Variants in KCNH1 observed in about 807,000 individuals in gnomAD.
KCNH1 encodes voltage-gated delayed rectifier potassium channel KCNH1.
Under a neutral mutation model 69.2 loss-of-function variants are expected in KCNH1, and 27 were observed. The ratio of observed to expected loss-of-function variants is 0.39; its 90% CI spans 0.29 to 0.54. The LOEUF is 0.54. Among genes scored for constraint, KCNH1 ranks in the 20% least tolerant of loss-of-function variants. The pLI is 0.68. For missense variants in KCNH1, 798 were observed against 1,261.6 expected, an observed-to-expected ratio of 0.63 and a Z score of 5.57; for synonymous variants, 456 against 487.7, an observed-to-expected ratio of 0.93 and a Z score of 0.86.
chr1:211,100,850 G>C (rs1392107309), intron 3 of KCNH1, among the ~76,000 whole-genome samples: 2 of 152,166 alleles, frequency 1.3e-5, no homozygotes, highest in Non-Finnish European at 2.9e-5. Context: ...GCATCACCTG[G>C]AAGCAGAACC....
At chr1:211,045,387 A>C (rs1423328913) in intron 5 of KCNH1, among the ~76,000 whole-genome samples, 2 of 152,024 alleles carry the variant, frequency 1.3e-5, no homozygotes, top group Non-Finnish European at 2.9e-5. Flanking sequence ...ATGAAACCAA[A>C]CACCACCTGT....
At chr1:211,051,878 CTGGAATGTAGTGGAGCTT>C (rs1690212333) in intron 5 of KCNH1, among the ~76,000 whole-genome samples, 1 of 152,066 alleles carries the variant, frequency 6.6e-6, no homozygotes, top group African/African-American at 2.4e-5. Context: ...AGTCACACAG[CTGGAATGTAGTGGAGCTT>C]TGGAGGAGGA....
chr1:210,797,305 T>C (rs1054914700), intron 9 of KCNH1, among the ~76,000 whole-genome samples: 18 of 152,252 alleles, frequency 1.2e-4, no homozygotes, highest in African/African-American at 4.3e-4. Context: ...ATTTTTCTTA[T>C]TGAAATACTC....
intron 7 of KCNH1, among the ~76,000 whole-genome samples, chr1:210,847,848 T>C (rs913622278): frequency 6.6e-6 from 1 of 152,174 alleles, no homozygotes; most frequent in Non-Finnish European, 1.5e-5. Context: ...TAGCATCTCC[T>C]TCGTGACCAA....
At chr1:210,830,683 T>A (rs975979730) in intron 7 of KCNH1, among the ~76,000 whole-genome samples, 1 of 152,220 alleles carries the variant, frequency 6.6e-6, no homozygotes, top group African/African-American at 2.4e-5. Context: ...TGAAAAATGA[T>A]GAGGTCAATC....
At chr1:210,684,170 G>A (rs370519764) in intron 10 of KCNH1, 32 bp from the exon 11 acceptor site, 21 of 1,486,910 alleles carry the variant, frequency 1.4e-5, no homozygotes, top group Middle Eastern at 2.0e-4. Flanking sequence ...ATGACATGGC[G>A]TGTTAGCCAC....
At position 210,798,847 on chromosome 1, in the gene KCNH1, G is replaced by T. The variant is rs1041745106; in HGVS notation, c.1663-1087C>A. 2.6e-5 allele frequency among the ~76,000 whole-genome samples: 4 copies of T among 152,166 alleles called. No individual in the cohort carries two copies. In the South Asian group the frequency reaches 6.2e-4, roughly 24 times the overall value. ...GACTGAATATAGGGTGTTATTTAAAGACAGATATAAAGTAACATTTACTAA... is the reference window on the plus strand; with the variant it reads ...GACTGAATATAGGGTGTTATTTAAATACAGATATAAAGTAACATTTACTAA... On this transcript the variant is annotated intron_variant, in intron 8 of 10. Coordinates refer to ENST00000271751, the MANE Select transcript of KCNH1 (RefSeq NM_172362.3).
At chr1:210,900,244 A>G (rs1558517455) in intron 7 of KCNH1, among the ~76,000 whole-genome samples, 1 of 152,228 alleles carries the variant, frequency 6.6e-6, no homozygotes, top group Admixed American at 6.5e-5. Context: ...AGCCATCCCC[A>G]TTCACGTACC....
intron 6 of KCNH1, among the ~76,000 whole-genome samples, chr1:210,972,671 GAACAC>G (rs1688531944): frequency 6.6e-6 from 1 of 152,052 alleles, no homozygotes; most frequent in Non-Finnish European, 1.5e-5. Flanking sequence ...TTCAGTGATA[GAACAC>G]AATGAAATCA....
At chr1:210,854,788 A>G (rs1485801449) in intron 7 of KCNH1, among the ~76,000 whole-genome samples, 1 of 152,216 alleles carries the variant, frequency 6.6e-6, no homozygotes, top group Non-Finnish European at 1.5e-5. Context: ...AAAATAAAAG[A>G]GAGCAGGTAA....
intron 9 of KCNH1, among the ~76,000 whole-genome samples, chr1:210,785,796 C>T: frequency 6.6e-6 from 1 of 152,086 alleles, no homozygotes. Context: ...TTTGCTCTCT[C>T]CTCGGGAATG....
rs190250619 is a variant in KCNH1 at position 211,048,060 on chromosome 1, G to A, written c.559-28804C>T. The stretch of plus-strand genomic sequence containing the variant: ...ACAGCTCTCAAAAGAATATGCAAAT[G>A]GCCAACAGACATATTAAAAAATGCT... On this transcript the variant is annotated intron_variant, in intron 5 of 10. Coordinates refer to ENST00000271751, the MANE Select transcript of KCNH1 (RefSeq NM_172362.3). 2.2e-4 allele frequency among the ~76,000 whole-genome samples: 34 copies of A among 152,212 alleles called. No individual in the cohort carries two copies. In the East Asian group the frequency reaches 6.0e-3, roughly 27 times the overall value.
chr1:211,063,163 T>C (rs376930915), intron 5 of KCNH1, among the ~76,000 whole-genome samples: 2 of 152,222 alleles, frequency 1.3e-5, no homozygotes, highest in African/African-American at 4.8e-5. Context: ...TGCAACAACA[T>C]GGATGGAAGT....
intron 7 of KCNH1, among the ~76,000 whole-genome samples, chr1:210,854,397 A>G (rs994683509): frequency 2.6e-5 from 4 of 152,228 alleles, no homozygotes; most frequent in East Asian, 1.9e-4. Context: ...CCTAATTCCA[A>G]TGTGGTCAAA....
At chr1:210,906,299 C>T (rs1404295345) in intron 7 of KCNH1, among the ~76,000 whole-genome samples, 1 of 152,172 alleles carries the variant, frequency 6.6e-6, no homozygotes, top group Admixed American at 6.5e-5. Context: ...GCAGCCATGT[C>T]TGGCTGCCAG....
In KCNH1 at chr1:210,683,725, A is replaced by G. The variant is rs558167968; in HGVS notation, c.2526T>C (p.Asp842=). Residue 842 remains aspartate (D), a synonymous_variant, in exon 11 of 11, where the codon GAT becomes GAC. Transcript: ENST00000271751. This position sits in a 1 kb window ranked among gnomAD's most constrained non-coding sequence, Gnocchi z 5.7. ...TCCAGTCCTCACTCTTCCCGCAAGC[A>G]TCTTTGAAGCGGGCCCAGCTTTTGC... ...AKRKSWARFK[D]ACGKSEDWNK... 4 of 1,614,148 alleles carry G rather than the reference A, an allele frequency of 2.5e-6. No individual in the cohort carries two copies. In the East Asian group the frequency reaches 6.7e-5, roughly 27 times the overall value.
intron 10 of KCNH1, among the ~76,000 whole-genome samples, chr1:210,750,056 C>T (rs1683250448): frequency 6.6e-6 from 1 of 152,132 alleles, no homozygotes; most frequent in African/African-American, 2.4e-5. Flanking sequence ...TGCTTGCTAT[C>T]TTACTGCAGG....
intron 6 of KCNH1, among the ~76,000 whole-genome samples, chr1:210,977,698 C>T (rs965971415): frequency 6.6e-6 from 1 of 152,142 alleles, no homozygotes; most frequent in East Asian, 1.9e-4. Context: ...TATTCTTTGA[C>T]CCAATGTTTT....
At chr1:210,899,721 G>A (rs1266386999) in intron 7 of KCNH1, among the ~76,000 whole-genome samples, 2 of 152,190 alleles carry the variant, frequency 1.3e-5, no homozygotes, top group African/African-American at 2.4e-5. Flanking sequence ...GTGACTTCAT[G>A]TGATCTTCTT....
Sources: allele counts gnomAD v4.1 joint callset (sites outside exome capture counted in the v4.1 genomes callset), GRCh38; gene constraint gnomAD v4.1.1; non-coding constraint Gnocchi (gnomAD v3.1); transcripts MANE v1.5; gene names NCBI Gene and HGNC (gene_info 2026-07-23, HGNC 2026-07-21).